Variants in FAM110B observed in about 807,000 individuals in gnomAD.
The protein encoded by FAM110B is family with sequence similarity 110 member B.
FAM110B carries 6 observed loss-of-function variants against 20.4 expected under a neutral mutation model. The observed-to-expected ratio is 0.29, with a 90% confidence interval of 0.16 to 0.58. The LOEUF is 0.58. FAM110B is among the 20% of genes least tolerant of loss of function. The pLI is 0.90. For missense variants in FAM110B, 434 were observed against 498.2 expected, an observed-to-expected ratio of 0.87 and a Z score of 1.23; for synonymous variants, 226 against 214.1, an observed-to-expected ratio of 1.06 and a Z score of -0.49.
At chr8:58,003,268 T>C (rs1465957330) in intron 1 of FAM110B, among the ~76,000 whole-genome samples, 2 of 152,200 alleles carry the variant, frequency 1.3e-5, no homozygotes. Context: ...GTTCTCTTGC[T>C]ATTTCCACCG....
intron 2 of FAM110B, among the ~76,000 whole-genome samples, chr8:58,041,708 A>G (rs1055383207): frequency 2.6e-5 from 4 of 152,298 alleles, no homozygotes; most frequent in South Asian, 2.1e-4. Context: ...GATGCCTTGC[A>G]TTGCACTGAT....
chr8:58,072,941 T>A (rs10504243), intron 2 of FAM110B, among the ~76,000 whole-genome samples: 2 of 152,230 alleles, frequency 1.3e-5, no homozygotes, highest in Admixed American at 6.5e-5. Flanking sequence ...AGAGTTTCCA[T>A]GGCAATATCT....
chr8:58,026,127 T>C (rs895751669), intron 1 of FAM110B, among the ~76,000 whole-genome samples: 1 of 152,242 alleles, frequency 6.6e-6, no homozygotes, highest in African/African-American at 2.4e-5. Context: ...ACCCATTGAG[T>C]ACAGGGTAGT....
intron 3 of FAM110B, among the ~76,000 whole-genome samples, chr8:58,094,496 A>G (rs550722520): frequency 6.6e-6 from 1 of 152,262 alleles, no homozygotes; most frequent in African/African-American, 2.4e-5. Context: ...TTCTGCATCT[A>G]TCGAGATAAT....
intron 2 of FAM110B, among the ~76,000 whole-genome samples, chr8:58,034,703 G>A (rs1016381933): frequency 5.3e-5 from 8 of 152,232 alleles, no homozygotes; most frequent in African/African-American, 1.9e-4. Context: ...AGGTATGTTA[G>A]TAGCTTATGT....
intron 1 of FAM110B, among the ~76,000 whole-genome samples, chr8:58,025,907 T>C (rs1296665989): frequency 6.6e-6 from 1 of 152,182 alleles, no homozygotes; most frequent in African/African-American, 2.4e-5. Context: ...CATGCCTCAG[T>C]TTCTCAGGAT....
intron 3 of FAM110B, among the ~76,000 whole-genome samples, chr8:58,093,605 A>C (rs965450429): frequency 6.6e-6 from 1 of 152,172 alleles, no homozygotes. Context: ...CCATTGGTCT[A>C]TACATCTGTT....
chr8:58,041,432 A>ACCAT (rs906801419), intron 2 of FAM110B, among the ~76,000 whole-genome samples: 3 of 152,196 alleles, frequency 2.0e-5, no homozygotes, highest in African/African-American at 7.2e-5. Context: ...ATGACTATGT[A>ACCAT]CCATCAGTGG....
chr8:58,010,213 GGTTTCACCAT>G (rs1388876962), intron 1 of FAM110B, among the ~76,000 whole-genome samples: 5 of 151,410 alleles, frequency 3.3e-5, no homozygotes, highest in African/African-American at 1.2e-4. Flanking sequence ...GTATAGACAG[GGTTTCACCAT>G]GTTGGCCACA....
At chr8:58,054,774 A>G (rs967900319) in intron 2 of FAM110B, among the ~76,000 whole-genome samples, 2 of 152,152 alleles carry the variant, frequency 1.3e-5, no homozygotes, top group African/African-American at 4.8e-5. Flanking sequence ...TCTAAAGCAA[A>G]AGACCTCTAC....
At chr8:58,104,384 A>C (rs1338746914) in intron 3 of FAM110B, among the ~76,000 whole-genome samples, 1 of 152,260 alleles carries the variant, frequency 6.6e-6, no homozygotes, top group Non-Finnish European at 1.5e-5. Context: ...ATGAAATTTA[A>C]ATATATCGTT....
intron 2 of FAM110B, among the ~76,000 whole-genome samples, chr8:58,074,329 G>C (rs1022511453): frequency 6.6e-6 from 1 of 151,924 alleles, no homozygotes; most frequent in East Asian, 1.9e-4. Context: ...CGGTGGGCCC[G>C]TCCATTGCCA....
intron 1 of FAM110B, among the ~76,000 whole-genome samples, chr8:58,014,545 G>A (rs568145293): frequency 2.8e-4 from 42 of 152,286 alleles, no homozygotes; most frequent in African/African-American, 8.9e-4. Flanking sequence ...TGCTGCAAAG[G>A]GCAGAAAGGG....
chr8:58,015,153 C>T lies in FAM110B; in HGVS notation c.-511-16453C>T, dbSNP rs893627368. Among the ~76,000 whole-genome samples the T allele has an allele frequency of 1.8e-4, 28 of 152,184 alleles. No individual in the cohort carries two copies. In the South Asian group the frequency reaches 2.1e-3, roughly 11 times the overall value. On this transcript the variant is annotated intron_variant, in intron 1 of 3. Transcript: ENST00000519262. ...GGTGGATCACTTGAGGTCAGAAGTT[C>T]GAGACCAGCCTGACCAACCTGGTGA...
intron 2 of FAM110B, among the ~76,000 whole-genome samples, chr8:58,037,050 T>C (rs1173316436): frequency 6.6e-6 from 1 of 152,194 alleles, no homozygotes; most frequent in Non-Finnish European, 1.5e-5. Flanking sequence ...ATGGTGTGTT[T>C]TGGTTTTTCA....
At chr8:58,082,018 A>G (rs1267643474) in intron 3 of FAM110B, among the ~76,000 whole-genome samples, 2 of 152,190 alleles carry the variant, frequency 1.3e-5, no homozygotes, top group East Asian at 1.9e-4. Context: ...AGGCTCTTAG[A>G]TGCTCAAGGG....
chr8:58,000,568 T>C (rs886345568), intron 1 of FAM110B, among the ~76,000 whole-genome samples: 1 of 152,226 alleles, frequency 6.6e-6, no homozygotes, highest in African/African-American at 2.4e-5. Flanking sequence ...AATCCTTTTG[T>C]AGACACTCCA....
chr8:58,122,292 C>T (rs1807381960), intron 3 of FAM110B, among the ~76,000 whole-genome samples: 1 of 152,014 alleles, frequency 6.6e-6, no homozygotes, highest in Non-Finnish European at 1.5e-5. Context: ...AGAAACTTGC[C>T]TTACTGTGGA....
intron 1 of FAM110B, among the ~76,000 whole-genome samples, chr8:58,022,672 C>T (rs1057445669): frequency 5.9e-5 from 9 of 152,042 alleles, no homozygotes; most frequent in Admixed American, 6.6e-5. Context: ...TGTAGAACAG[C>T]AGAAAACATG....
Sources: allele counts gnomAD v4.1 joint callset (sites outside exome capture counted in the v4.1 genomes callset), GRCh38; gene constraint gnomAD v4.1.1; transcripts MANE v1.5; gene names NCBI Gene and HGNC (gene_info 2026-07-23, HGNC 2026-07-21).